Variants in ITFG1 observed in about 807,000 individuals in gnomAD.
ITFG1 encodes the protein integrin alpha FG-GAP repeat containing 1.
Under a neutral mutation model 81.8 loss-of-function variants are expected in ITFG1, and 34 were observed. The observed-to-expected ratio is 0.42, with a 90% confidence interval of 0.32 to 0.55. The LOEUF (loss-of-function observed/expected upper bound fraction) is 0.55, where lower values mean the gene tolerates loss of function less well. Ranked by LOEUF, ITFG1 falls within the 20% of genes least tolerant of loss-of-function variation. The pLI is 0.17. For missense variants in ITFG1, 672 were observed against 755.4 expected (o/e 0.89, Z 1.29); for synonymous variants, 285 against 270.6 (o/e 1.05, Z -0.52).
intron 8 of ITFG1, among the ~76,000 whole-genome samples, chr16:47,317,241 T>A (rs1239208211): frequency 6.6e-6 from 1 of 152,152 alleles, no homozygotes; most frequent in East Asian, 1.9e-4. Flanking sequence ...TAAAACTGAT[T>A]TAGAGAAACT....
intron 8 of ITFG1, among the ~76,000 whole-genome samples, chr16:47,330,189 G>C (rs1168517590): frequency 6.6e-6 from 1 of 151,958 alleles, no homozygotes; most frequent in Non-Finnish European, 1.5e-5. Flanking sequence ...AATGAGCATG[G>C]GAAAAAGGAC....
chr16:47,383,891 C>T (rs1206342942), intron 6 of ITFG1, among the ~76,000 whole-genome samples: 2 of 152,110 alleles, frequency 1.3e-5, no homozygotes, highest in African/African-American at 2.4e-5. Context: ...GCAACGAGAG[C>T]AAAACTCCAT....
intron 6 of ITFG1, among the ~76,000 whole-genome samples, chr16:47,421,092 C>T (rs957843512): frequency 3.4e-4 from 51 of 151,872 alleles, no homozygotes; most frequent in African/African-American, 9.7e-4. Flanking sequence ...TCTGTTTTCA[C>T]GGAATATCTC....
intron 10 of ITFG1, among the ~76,000 whole-genome samples, chr16:47,283,387 G>C (rs1966470683): frequency 6.6e-6 from 1 of 152,114 alleles, no homozygotes; most frequent in Non-Finnish European, 1.5e-5. Context: ...ATATTAGTTG[G>C]TTGAAGGTAT....
At chr16:47,461,090 C>CGCGCTT, upstream of ITFG1, 1 of 1,472,610 alleles carries the variant, frequency 6.8e-7, no homozygotes, top group Non-Finnish European at 9.0e-7. Context: ...CCGCGCTTGA[C>CGCGCTT]GACAGCCGCA....
At chr16:47,311,714 T>C (rs1356927158) in intron 9 of ITFG1, among the ~76,000 whole-genome samples, 4 of 152,188 alleles carry the variant, frequency 2.6e-5, no homozygotes. Flanking sequence ...AATACACATC[T>C]AGTCAGATTA....
chr16:47,277,191 T>C (rs187587360), intron 10 of ITFG1, among the ~76,000 whole-genome samples: 81 of 152,348 alleles, frequency 5.3e-4, no homozygotes, highest in East Asian at 3.7e-3. Flanking sequence ...CTGAGCTATA[T>C]AGCTCATCAA....
intron 10 of ITFG1, among the ~76,000 whole-genome samples, chr16:47,288,372 C>T (rs762917144): frequency 7.2e-5 from 11 of 152,164 alleles, no homozygotes; most frequent in Non-Finnish European, 1.3e-4. Flanking sequence ...CATTTAATAT[C>T]TTGGTTATTG....
intron 14 of ITFG1, among the ~76,000 whole-genome samples, chr16:47,193,924 C>G (rs1356544236): frequency 1.3e-5 from 2 of 152,024 alleles, no homozygotes; most frequent in Non-Finnish European, 2.9e-5. Context: ...CTAAGTGAAA[C>G]CAATGGGAAT....
At chr16:47,260,509 T>C (rs1312352799) in intron 11 of ITFG1, 36 bp downstream of exon 11, 2 of 1,605,504 alleles carry the variant, frequency 1.2e-6, no homozygotes, top group South Asian at 1.1e-5. Flanking sequence ...TGAAAGGCAA[T>C]TAAACTTCAA....
intron 8 of ITFG1, among the ~76,000 whole-genome samples, chr16:47,334,780 C>T (rs987712379): frequency 7.2e-5 from 11 of 152,284 alleles, no homozygotes; most frequent in Admixed American, 4.6e-4. Context: ...TGATATTACT[C>T]TCTATACATG....
intron 8 of ITFG1, among the ~76,000 whole-genome samples, chr16:47,351,042 G>C (rs1401981035): frequency 1.3e-5 from 2 of 152,114 alleles, no homozygotes; most frequent in Non-Finnish European, 2.9e-5. Flanking sequence ...AATAAACTAG[G>C]TATTGATGGG....
intron 8 of ITFG1, among the ~76,000 whole-genome samples, chr16:47,355,810 A>G (rs1314445429): frequency 6.6e-6 from 1 of 152,160 alleles, no homozygotes; most frequent in East Asian, 1.9e-4. Flanking sequence ...TATATTCTAG[A>G]ATTATAGATA....
At chr16:47,441,277 T>C (rs1969246236) in intron 5 of ITFG1, among the ~76,000 whole-genome samples, 1 of 152,194 alleles carries the variant, frequency 6.6e-6, no homozygotes, top group African/African-American at 2.4e-5. Context: ...ACATTCCTTC[T>C]GAAACTATTC....
intron 8 of ITFG1, among the ~76,000 whole-genome samples, chr16:47,325,983 C>T (rs886459633): frequency 6.6e-6 from 1 of 152,164 alleles, no homozygotes; most frequent in African/African-American, 2.4e-5. Flanking sequence ...ATGAGGCCAG[C>T]ATCATCCTGA....
At chr16:47,410,979 C>T (rs1400572400) in intron 6 of ITFG1, among the ~76,000 whole-genome samples, 1 of 152,192 alleles carries the variant, frequency 6.6e-6, no homozygotes, top group South Asian at 2.1e-4. Flanking sequence ...AAGGCCCCTG[C>T]CTGGCAGCTC....
intron 6 of ITFG1, among the ~76,000 whole-genome samples, chr16:47,408,016 C>T (rs1968751245): frequency 6.6e-6 from 1 of 152,156 alleles, no homozygotes; most frequent in Non-Finnish European, 1.5e-5. Flanking sequence ...TATTACTGTA[C>T]ATCTGGAGCT....
intron 8 of ITFG1, among the ~76,000 whole-genome samples, chr16:47,330,171 T>A (rs536577532): frequency 2.6e-5 from 4 of 151,874 alleles, no homozygotes; most frequent in African/African-American, 9.7e-5. Context: ...TTTGACAAAG[T>A]TGAGAAAAAT....
intron 10 of ITFG1, among the ~76,000 whole-genome samples, chr16:47,272,744 T>C (rs1304612242): frequency 2.6e-5 from 4 of 152,070 alleles, no homozygotes; most frequent in African/African-American, 9.6e-5. Context: ...AATGGGTGAA[T>C]TGTATGGTGT....
Sources: allele counts gnomAD v4.1 joint callset (sites outside exome capture counted in the v4.1 genomes callset), GRCh38; gene constraint gnomAD v4.1.1; transcripts MANE v1.5; gene names NCBI Gene and HGNC (gene_info 2026-07-23, HGNC 2026-07-21).